Variants in SHISA6 observed in about 807,000 individuals in gnomAD.
SHISA6 encodes the protein shisa family member 6.
Under a neutral mutation model 47.9 loss-of-function variants are expected in SHISA6, and 22 were observed. The ratio of observed to expected loss-of-function variants is 0.46; its 90% confidence interval spans 0.33 to 0.66. The LOEUF is 0.66. SHISA6 is among the 30% of genes least tolerant of loss of function. SHISA6 has a pLI of 0.02. For synonymous variants in SHISA6, 388 were observed against 337.8 expected (o/e 1.15, Z -1.63); for missense variants, 680 against 764.6 (o/e 0.89, Z 1.30).
intron 3 of SHISA6, among the ~76,000 whole-genome samples, chr17:11,529,467 A>C (rs2071714732): frequency 6.6e-6 from 1 of 152,150 alleles, no homozygotes; most frequent in Admixed American, 6.6e-5. Context: ...TTCTTATCTC[A>C]TGATGTAAAA....
intron 3 of SHISA6, among the ~76,000 whole-genome samples, chr17:11,425,406 C>T (rs1914583131): frequency 6.6e-6 from 1 of 152,144 alleles, no homozygotes; most frequent in African/African-American, 2.4e-5. Context: ...CTCCCTGGCC[C>T]TCAGCTTCCT....
chr17:11,546,325 G>A (rs570438193), intron 3 of SHISA6, among the ~76,000 whole-genome samples: 4 of 152,112 alleles, frequency 2.6e-5, no homozygotes, highest in Non-Finnish European at 4.4e-5. Context: ...TGGGCTTTGC[G>A]GAGAAGGCAT....
At position 11,387,811 on chromosome 17, in the gene SHISA6, T is replaced by C. The variant is rs1017342876; in HGVS notation, c.895+8302T>C. Among the ~76,000 whole-genome samples, 2 of 152,158 alleles carry C rather than the reference T, an allele frequency of 1.3e-5. 1 individual carries two copies. The highest frequency in any genetic ancestry group is 4.1e-4 in the South Asian group (2 of 4,826). On this transcript the variant is annotated intron_variant, in intron 3 of 5. Coordinates refer to ENST00000441885, the MANE Select transcript of SHISA6 (RefSeq NM_207386.4). ...CCTCCTCCAGCTGAGTCAGGTTTTA[T>C]GTGGACTGTGGACATCCTACCCAGC...
chr17:11,260,805 C>T (rs145165035), intron 1 of SHISA6, among the ~76,000 whole-genome samples: 1,760 of 152,054 alleles, frequency 0.012, 34 homozygotes, highest in African/African-American at 0.04. Context: ...TCTCTCCTCT[C>T]TTTCTCTCTG....
chr17:11,437,482 C>T (rs770661392), intron 3 of SHISA6, among the ~76,000 whole-genome samples: 1 of 152,184 alleles, frequency 6.6e-6, no homozygotes, highest in Non-Finnish European at 1.5e-5. Flanking sequence ...AACTTCAGTG[C>T]AGCATTTTTT....
chr17:11,265,658 T>G (rs1178650993), intron 2 of SHISA6, among the ~76,000 whole-genome samples: 1 of 152,226 alleles, frequency 6.6e-6, no homozygotes, highest in Non-Finnish European at 1.5e-5. Flanking sequence ...AACCTTGTTG[T>G]GACTCTGAAA....
intron 2 of SHISA6, among the ~76,000 whole-genome samples, chr17:11,287,705 A>AGGAAGGAAGGGAG (rs1567561440): frequency 9.8e-6 from 1 of 102,452 alleles, no homozygotes. Flanking sequence ...AGGGGAAGGA[A>AGGAAGGAAGGGAG]GGAAGGAGGG....
At chr17:11,444,527 C>T (rs879609199) in intron 3 of SHISA6, among the ~76,000 whole-genome samples, 3 of 152,104 alleles carry the variant, frequency 2.0e-5, no homozygotes, top group Non-Finnish European at 2.9e-5. Flanking sequence ...ACAGGTCACT[C>T]ACCAGGGGTC....
intron 3 of SHISA6, among the ~76,000 whole-genome samples, chr17:11,532,246 A>G (rs2071740924): frequency 6.6e-6 from 1 of 152,228 alleles, no homozygotes; most frequent in Non-Finnish European, 1.5e-5. Context: ...GATCTTCCCT[A>G]GGGGACAGCA....
intron 3 of SHISA6, among the ~76,000 whole-genome samples, chr17:11,469,766 C>T (rs1012146113): frequency 6.6e-6 from 1 of 152,190 alleles, no homozygotes; most frequent in African/African-American, 2.4e-5. Context: ...GCAGTTTTCT[C>T]TTCTCTGGCT....
At chr17:11,242,665 G>A (rs928241103) in intron 1 of SHISA6, among the ~76,000 whole-genome samples, 1 of 152,158 alleles carries the variant, frequency 6.6e-6, no homozygotes, top group African/African-American at 2.4e-5. Flanking sequence ...CTTTCCTGCT[G>A]AGACTAGAGG....
chr17:11,505,117 G>C (rs912610245), intron 3 of SHISA6, among the ~76,000 whole-genome samples: 2 of 152,194 alleles, frequency 1.3e-5, no homozygotes, highest in Admixed American at 1.3e-4. Context: ...TCCAGATACT[G>C]TCTTTTTATT....
chr17:11,279,811 GAA>G (rs994707221), intron 2 of SHISA6, among the ~76,000 whole-genome samples: 15 of 46,018 alleles, frequency 3.3e-4, no homozygotes, highest in East Asian at 2.4e-3. Flanking sequence ...AAGAGAGAGA[GAA>G]AGAGGGAGAG....
At chr17:11,300,768 G>C (rs1366135288) in intron 2 of SHISA6, among the ~76,000 whole-genome samples, 1 of 149,472 alleles carries the variant, frequency 6.7e-6, no homozygotes, top group Non-Finnish European at 1.5e-5. Context: ...TCAATTCCCC[G>C]GCATACTGGC....
At chr17:11,411,264 G>A (rs747755000) in intron 3 of SHISA6, among the ~76,000 whole-genome samples, 3 of 151,986 alleles carry the variant, frequency 2.0e-5, no homozygotes, top group Non-Finnish European at 4.4e-5. Context: ...CACCGCGCCT[G>A]GCCTCAATTC....
intron 3 of SHISA6, among the ~76,000 whole-genome samples, chr17:11,510,813 TA>T (rs2071535115): frequency 6.6e-6 from 1 of 152,140 alleles, no homozygotes; most frequent in African/African-American, 2.4e-5. Flanking sequence ...GCCTGGTCCA[TA>T]AAAATGTCTC....
intron 1 of SHISA6, among the ~76,000 whole-genome samples, chr17:11,258,191 A>C (rs1908089868): frequency 6.6e-6 from 1 of 152,182 alleles, no homozygotes; most frequent in African/African-American, 2.4e-5. Flanking sequence ...TACCATCCCG[A>C]AAAGAGAAAG....
chr17:11,468,613 G>A (rs542174444), intron 3 of SHISA6, among the ~76,000 whole-genome samples: 15 of 152,268 alleles, frequency 9.9e-5, no homozygotes, highest in African/African-American at 3.6e-4. Flanking sequence ...GTCCAAGCCC[G>A]ATTCTCACTG....
intron 2 of SHISA6, among the ~76,000 whole-genome samples, chr17:11,312,701 T>C (rs559817441): frequency 1.3e-5 from 2 of 152,340 alleles, no homozygotes; most frequent in Non-Finnish European, 2.9e-5. Context: ...TCTTTATTTA[T>C]TCAGGAATAA....
Sources: gnomAD v4.1 joint callset for allele counts (sites outside exome capture counted in the v4.1 genomes callset) on GRCh38, gnomAD v4.1.1 for gene constraint, MANE v1.5 for transcripts, NCBI Gene and HGNC (gene_info 2026-07-23, HGNC 2026-07-21) for gene names.